IPO11: variants seen among roughly 807,000 people sequenced by gnomAD.
IPO11 encodes importin 11, also known as importin-11.
In IPO11, 66 loss-of-function variants were observed where a neutral mutation model predicts 143.2. The observed-to-expected ratio is 0.46, with a 90% CI of 0.38 to 0.57. The LOEUF (loss-of-function observed/expected upper bound fraction) is 0.57. Ranked by LOEUF, IPO11 falls within the 20% of genes least tolerant of loss-of-function variation. The pLI, the probability that IPO11 is intolerant of heterozygous loss-of-function variation, is 0.00. For synonymous variants in IPO11, 385 were observed against 377.8 expected (o/e 1.02, Z -0.22); for missense variants, 1,026 against 1,141.0 (o/e 0.90, Z 1.45).
chr5:62,524,049 A>G (rs903834893), intron 20 of IPO11, among the ~76,000 whole-genome samples: 2 of 151,956 alleles, frequency 1.3e-5, no homozygotes, highest in Admixed American at 6.6e-5. Flanking sequence ...TCCCCTCTTT[A>G]ATTATTCCTG....
chr5:62,586,768 A>AAAAAATAT (rs1554057003), intron 27 of IPO11, among the ~76,000 whole-genome samples: 4 of 28,912 alleles, frequency 1.4e-4, no homozygotes, highest in African/African-American at 5.3e-4. Context: ...AAAAAAAAAA[A>AAAAAATAT]ATATATATAT....
At chr5:62,424,699 C>T (rs1285553821) in intron 1 of IPO11, among the ~76,000 whole-genome samples, 2 of 151,840 alleles carry the variant, frequency 1.3e-5, no homozygotes, top group Non-Finnish European at 1.5e-5. Context: ...GCTTCTGCCT[C>T]CCAAATTGGT....
chr5:62,470,135 C>T (rs1020383138), intron 6 of IPO11, 115 bp from the exon 7 acceptor site: 7 of 964,460 alleles, frequency 7.3e-6, no homozygotes, highest in Non-Finnish European at 1.1e-5. Context: ...AGTTAACTTT[C>T]CAACCCAGAT....
intron 5 of IPO11, among the ~76,000 whole-genome samples, chr5:62,464,143 GTT>G (rs34056674): frequency 0.056 from 4,374 of 78,332 alleles, 35 homozygotes; most frequent in East Asian, 0.1. Flanking sequence ...GTTTTTGGTG[GTT>G]TTTTTTTTTT....
intron 19 of IPO11, among the ~76,000 whole-genome samples, chr5:62,514,978 G>C (rs1561344135): frequency 6.6e-6 from 1 of 151,978 alleles, no homozygotes; most frequent in Non-Finnish European, 1.5e-5. Flanking sequence ...CCAGTGCCTT[G>C]TGTTCAGGGC....
rs1368503872 is a variant in IPO11 at position 62,551,265 on chromosome 5, C to T, written c.2389C>T (p.Arg797Ter). 3.7e-6 allele frequency: 6 copies of T among 1,609,946 alleles called. No homozygotes were observed. Among genetic ancestry groups the T allele is most frequent in the Non-Finnish European group, 5.1e-6 (6 of 1,177,642 alleles). Residue 797 changes from arginine to a stop codon, truncating the protein, a stop_gained, in exon 26 of 30, where the codon CGA (arginine) becomes TGA (stop). Coordinates refer to ENST00000325324, the MANE Select transcript of IPO11 (RefSeq NM_016338.5). LOFTEE classifies it high-confidence loss of function. Reference protein sequence around the residue: ...VMSTYLGVMGRVLLQNTSFFS... With the variant: ...VMSTYLGVMG ...GTCCACGTATCTTGGAGTTATGGGT[C>T]GAGTTCTACTACAAAACACTAGTTT...
At chr5:62,526,829 G>C (rs1194774020) in intron 21 of IPO11, 1 of 152,128 alleles carries the variant, frequency 6.6e-6, no homozygotes, top group African/African-American at 2.4e-5. Context: ...TTTACTGTTG[G>C]CAACAGTTTT....
At chr5:62,426,752 G>T (rs1015592786) in intron 1 of IPO11, among the ~76,000 whole-genome samples, 7 of 150,336 alleles carry the variant, frequency 4.7e-5, no homozygotes, top group African/African-American at 1.5e-4. Flanking sequence ...TTTACTGCTT[G>T]TCTTTTTGTA....
At position 62,467,101 on chromosome 5, in the gene IPO11, A is replaced by C. The variant is rs570944844; in HGVS notation, c.517-30A>C. 1.1e-5 allele frequency: 17 copies of C among 1,591,626 alleles called. No homozygotes were observed. In the East Asian group the frequency reaches 3.8e-4, roughly 36 times the overall value. ...GTATTACTGAAATGTATAATACACT[A>C]TGAATAAATTTGTTGCCTTTTCTTT... is the stretch of plus-strand genomic sequence containing the variant. On this transcript the variant is annotated intron_variant, in intron 5 of 29. Transcript: ENST00000325324.
At chr5:62,624,980 CAA>C (rs141431600) in intron 29 of IPO11, among the ~76,000 whole-genome samples, 52 of 89,674 alleles carry the variant, frequency 5.8e-4, no homozygotes, top group Middle Eastern at 5.5e-3. Flanking sequence ...GCGAGAGACT[CAA>C]AAAAAAAAAA....
chr5:62,523,555 A>G (rs889893050), intron 20 of IPO11, among the ~76,000 whole-genome samples: 5 of 152,210 alleles, frequency 3.3e-5, no homozygotes, highest in South Asian at 2.1e-4. Flanking sequence ...GAGAACCTGA[A>G]TTATGGAGAG....
At chr5:62,434,070 C>A (rs1338736048) in intron 1 of IPO11, among the ~76,000 whole-genome samples, 2 of 152,188 alleles carry the variant, frequency 1.3e-5, no homozygotes, top group Non-Finnish European at 2.9e-5. Flanking sequence ...TTTTCTCCAA[C>A]TTCATTTTCC....
At chr5:62,442,571 T>C (rs149520501) in intron 2 of IPO11, among the ~76,000 whole-genome samples, 1 of 152,296 alleles carries the variant, frequency 6.6e-6, no homozygotes, top group African/African-American at 2.4e-5. Flanking sequence ...TTAAAAGATC[T>C]GTCCAGGCTG....
chr5:62,600,160 C>T (rs1344449178), intron 28 of IPO11, among the ~76,000 whole-genome samples: 3 of 152,186 alleles, frequency 2.0e-5, no homozygotes, highest in Non-Finnish European at 2.9e-5. Context: ...CCATCTCAGC[C>T]TGCCAAGTAG....
At chr5:62,450,663 T>TAA (rs34266204) in intron 4 of IPO11, among the ~76,000 whole-genome samples, 5,075 of 144,500 alleles carry the variant, frequency 0.035, 255 homozygotes, top group African/African-American at 0.11. Flanking sequence ...CCCCACCATT[T>TAA]AAAAAAAAAA....
In IPO11 at chr5:62,424,385, C is replaced by T. The variant is rs546468179; in HGVS notation, c.-7+11456C>T. Among the ~76,000 whole-genome samples the T allele has an allele frequency of 1.9e-4, 29 of 151,922 alleles. No individual in the cohort carries two copies. In the East Asian group the frequency reaches 4.1e-3, roughly 22 times the overall value. On this transcript the variant is annotated intron_variant, in intron 1 of 29. Transcript: ENST00000325324. The stretch of plus-strand genomic sequence containing the variant: ...CGATCTTGTGACCTCGTGATCCGCC[C>T]GCCGGGGCCTCCCAAAGTGCTGGGA...
chr5:62,456,990 C>A (rs1745183844), intron 5 of IPO11, among the ~76,000 whole-genome samples: 1 of 151,982 alleles, frequency 6.6e-6, no homozygotes, highest in African/African-American at 2.4e-5. Flanking sequence ...TGAGGCAGGA[C>A]AATTGCTTCA....
chr5:62,460,745 C>A (rs1346773072), intron 5 of IPO11, among the ~76,000 whole-genome samples: 2 of 152,142 alleles, frequency 1.3e-5, no homozygotes, highest in African/African-American at 4.8e-5. Flanking sequence ...GAACTAGTAC[C>A]TAACATGTTT....
chr5:62,545,806 T>A (rs1383090714), intron 24 of IPO11, among the ~76,000 whole-genome samples: 2 of 152,174 alleles, frequency 1.3e-5, no homozygotes, highest in African/African-American at 4.8e-5. Context: ...CAGACACTTC[T>A]CAAAAGAAGA....
Sources: allele counts gnomAD v4.1 joint callset (sites outside exome capture counted in the v4.1 genomes callset), GRCh38; gene constraint gnomAD v4.1.1; transcripts MANE v1.5; gene names NCBI Gene and HGNC (gene_info 2026-07-23, HGNC 2026-07-21).